The following SPIDR variants were observed in gnomAD, a reference collection of about 807,000 sequenced individuals.
The protein encoded by SPIDR is scaffold protein involved in DNA repair, also known as DNA repair-scaffolding protein.
A neutral mutation model predicts 104.6 loss-of-function variants in SPIDR; 93 were observed. The ratio of observed to expected loss-of-function variants is 0.89; its 90% CI spans 0.75 to 1.06. SPIDR has a LOEUF of 1.06. Ranked by LOEUF, SPIDR falls within the 50% of genes least tolerant of loss-of-function variation. The pLI is 0.00. For missense variants in SPIDR, 1,154 were observed against 1,111.2 expected, an observed-to-expected ratio of 1.04 and a Z score of -0.55; for synonymous variants, 431 against 416.9, an observed-to-expected ratio of 1.03 and a Z score of -0.41.
intron 8 of SPIDR, among the ~76,000 whole-genome samples, chr8:47,526,446 G>T (rs2084998500): frequency 6.6e-6 from 1 of 152,186 alleles, no homozygotes; most frequent in South Asian, 2.1e-4. Context: ...GCAAAATCTA[G>T]TCTTCATTGG....
At chr8:47,606,670 G>A (rs916479383) in intron 10 of SPIDR, among the ~76,000 whole-genome samples, 1 of 152,186 alleles carries the variant, frequency 6.6e-6, no homozygotes, top group Non-Finnish European at 1.5e-5. Flanking sequence ...CATGTGTTTG[G>A]ACAGTGGAGA....
chr8:47,312,481 C>G (rs1478832994), intron 5 of SPIDR, among the ~76,000 whole-genome samples: 1 of 152,162 alleles, frequency 6.6e-6, no homozygotes, highest in Non-Finnish European at 1.5e-5. Flanking sequence ...TGATGGTGAG[C>G]ATTTTTTCAT....
intron 5 of SPIDR, among the ~76,000 whole-genome samples, chr8:47,370,966 C>T (rs1055226320): frequency 6.6e-5 from 10 of 151,996 alleles, no homozygotes; most frequent in Admixed American, 2.6e-4. Flanking sequence ...TCTCCCATCC[C>T]CCCATGCTAA....
At chr8:47,468,318 A>G (rs530984082) in intron 8 of SPIDR, among the ~76,000 whole-genome samples, 2 of 152,300 alleles carry the variant, frequency 1.3e-5, no homozygotes, top group South Asian at 4.1e-4. Flanking sequence ...CTATCAAACT[A>G]CCAATGACAT....
chr8:47,537,953 G>T (rs1279973967), intron 8 of SPIDR, among the ~76,000 whole-genome samples: 1 of 151,990 alleles, frequency 6.6e-6, no homozygotes, highest in Non-Finnish European at 1.5e-5. Context: ...GAGGCGGGCG[G>T]ATCATTTGAG....
At chr8:47,511,188 G>T in intron 8 of SPIDR, 1 of 1,576,672 alleles carries the variant, frequency 6.3e-7, no homozygotes, top group South Asian at 1.1e-5. Flanking sequence ...GTTGGATGTT[G>T]CTGATCCTGT....
At chr8:47,398,007 G>C (rs529751418) in intron 6 of SPIDR, among the ~76,000 whole-genome samples, 6 of 152,172 alleles carry the variant, frequency 3.9e-5, no homozygotes, top group Non-Finnish European at 7.4e-5. Context: ...ATGTGGCCGA[G>C]TTTAGTGGGA....
chr8:47,469,127 C>T (rs567840377), intron 8 of SPIDR, among the ~76,000 whole-genome samples: 102 of 152,238 alleles, frequency 6.7e-4, no homozygotes, highest in African/African-American at 2.1e-3. Context: ...AAATGCAAAT[C>T]AGAACCACAA....
intron 10 of SPIDR, among the ~76,000 whole-genome samples, chr8:47,607,993 G>T (rs1331497385): frequency 6.6e-6 from 1 of 152,078 alleles, no homozygotes. Flanking sequence ...TTTATTTAAA[G>T]TGTACAATTC....
At chr8:47,368,220 T>C (rs189307248) in intron 5 of SPIDR, among the ~76,000 whole-genome samples, 63 of 151,850 alleles carry the variant, frequency 4.1e-4, no homozygotes, top group African/African-American at 1.4e-3. Context: ...CTCCCAAAAG[T>C]CCCACCTTCT....
At chr8:47,450,208 G>C (rs1287275534) in intron 8 of SPIDR, among the ~76,000 whole-genome samples, 4 of 152,082 alleles carry the variant, frequency 2.6e-5, no homozygotes, top group Non-Finnish European at 4.4e-5. Context: ...CTAGAAGCTG[G>C]GAAGTCCAAG....
At chr8:47,503,876 T>C (rs2080999202) in intron 8 of SPIDR, among the ~76,000 whole-genome samples, 1 of 152,238 alleles carries the variant, frequency 6.6e-6, no homozygotes, top group Non-Finnish European at 1.5e-5. Flanking sequence ...AAGGATTTTA[T>C]TTCTCCTTCA....
chr8:47,660,069 A>G (rs1461824716), intron 10 of SPIDR, among the ~76,000 whole-genome samples: 1 of 152,236 alleles, frequency 6.6e-6, no homozygotes, highest in African/African-American at 2.4e-5. Context: ...AAGGGAAAAC[A>G]CGTAGCTTTG....
chr8:47,380,470 A>G (rs1475735934), intron 5 of SPIDR, among the ~76,000 whole-genome samples: 1 of 151,942 alleles, frequency 6.6e-6, no homozygotes, highest in East Asian at 1.9e-4. Flanking sequence ...GGCCCTGGTC[A>G]CTGCCGCCTT....
Position 47,729,123 on chromosome 8 carries a change from G to T in SPIDR, c.2550+76G>T, listed in dbSNP as rs561372497. On this transcript the variant is annotated intron_variant, in intron 18 of 19. Transcript: ENST00000297423. ...CGAAGGTGAGACAGAGCTGAAGCAG[G>T]TGCACGTCCTCCTGTACGCCTGCAG... is the stretch of plus-strand genomic sequence containing the variant. 5.8e-4 allele frequency: 916 copies of T among 1,572,354 alleles called. 8 individuals are homozygous for T. In the South Asian group the frequency reaches 9.5e-3, roughly 16 times the overall value.
chr8:47,563,800 G>C (rs1366482506), intron 8 of SPIDR, among the ~76,000 whole-genome samples: 1 of 152,138 alleles, frequency 6.6e-6, no homozygotes, highest in East Asian at 1.9e-4. Flanking sequence ...TCAGGTATTT[G>C]AGTTATAGGA....
At chr8:47,524,735 T>C (rs1270724609) in intron 8 of SPIDR, among the ~76,000 whole-genome samples, 1 of 152,224 alleles carries the variant, frequency 6.6e-6, no homozygotes, top group Non-Finnish European at 1.5e-5. Context: ...TACTGCATGA[T>C]GTCAGAGAAC....
Position 47,272,291 on chromosome 8 carries a change from C to T in SPIDR, c.34-7571C>T, listed in dbSNP as rs1430747897. Among the ~76,000 whole-genome samples the T allele has an allele frequency of 7.2e-5, 11 of 151,992 alleles. No individual in the cohort carries two copies. In the East Asian group the frequency reaches 9.7e-4, roughly 13 times the overall value. ...CTATAATTTTTGCTTGAAAACTGGA[C>T]GTTTTAAATAGTATGATTTGAAGTA... On this transcript the variant is annotated intron_variant, in intron 1 of 19. Coordinates refer to ENST00000297423, the MANE Select transcript of SPIDR (RefSeq NM_001080394.4).
chr8:47,624,778 A>G (rs1011338011), intron 10 of SPIDR, among the ~76,000 whole-genome samples: 3 of 152,198 alleles, frequency 2.0e-5, no homozygotes, highest in African/African-American at 4.8e-5. Flanking sequence ...CCAGGACCAT[A>G]TGGATTCAAA....
Sources: allele counts gnomAD v4.1 joint callset (sites outside exome capture counted in the v4.1 genomes callset), GRCh38; gene constraint gnomAD v4.1.1; transcripts MANE v1.5; gene names NCBI Gene and HGNC (gene_info 2026-07-23, HGNC 2026-07-21).